NRXN1: variants seen among roughly 807,000 people sequenced by gnomAD.
NRXN1 encodes the protein neurexin-1.
A neutral mutation model predicts 150.9 loss-of-function variants in NRXN1; 39 were observed. That is an observed-to-expected ratio of 0.26 (90% confidence interval 0.20 to 0.34). The LOEUF is 0.34. Among genes scored for constraint, NRXN1 ranks in the 10% least tolerant of loss-of-function variants. The pLI is 1.00. For missense variants in NRXN1, 1,815 were observed against 1,949.9 expected, an observed-to-expected ratio of 0.93 and a Z score of 1.30; for synonymous variants, 924 against 757.0, an observed-to-expected ratio of 1.22 and a Z score of -3.62.
At chr2:50,717,334 T>C (rs1216452125) in intron 5 of NRXN1, among the ~76,000 whole-genome samples, 1 of 152,176 alleles carries the variant, frequency 6.6e-6, no homozygotes, top group Admixed American at 6.5e-5. Flanking sequence ...ACACTACATG[T>C]ACTTCCTGGT....
intron 17 of NRXN1, among the ~76,000 whole-genome samples, chr2:50,277,152 A>G (rs1272432429): frequency 6.6e-6 from 1 of 152,182 alleles, no homozygotes; most frequent in Non-Finnish European, 1.5e-5. Context: ...AACAACAACA[A>G]CAAAAAAAGC....
At chr2:50,220,007 A>ATATAATATATATATTAT (rs1378205239) in intron 18 of NRXN1, among the ~76,000 whole-genome samples, 2 of 37,060 alleles carry the variant, frequency 5.4e-5, no homozygotes, top group African/African-American at 1.4e-4. Context: ...TATATTATAT[A>ATATAATATATATATTAT]ATATATTATA....
rs767797258 is a variant in NRXN1 at position 50,066,607 on chromosome 2, TTAAA to T, written c.3719-11567_3719-11564del. 2.6e-5 allele frequency among the ~76,000 whole-genome samples: 4 copies of T among 152,294 alleles called. No homozygotes were observed. The East Asian group carries it at 5.8e-4, about 22-fold the overall frequency. ...AATGCTATTCACCCAACATCTATTT[TTAAA>T]TAAATAGACTCTCCAATAAAACATA... On this transcript the variant is annotated intron_variant, in intron 19 of 22. Transcript: ENST00000401669.
At chr2:50,938,579 A>G (rs1688900280) in intron 2 of NRXN1, among the ~76,000 whole-genome samples, 1 of 152,082 alleles carries the variant, frequency 6.6e-6, no homozygotes, top group Admixed American at 6.6e-5. Flanking sequence ...CCTGATATCA[A>G]TTTTCTGTAT....
chr2:50,140,656 C>CT (rs1317802298), intron 18 of NRXN1, among the ~76,000 whole-genome samples: 2 of 148,482 alleles, frequency 1.3e-5, no homozygotes. Context: ...ATATTCTGAG[C>CT]TTTTTTCTCT....
At chr2:50,659,033 T>A (rs1201858559) in intron 5 of NRXN1, among the ~76,000 whole-genome samples, 1 of 152,096 alleles carries the variant, frequency 6.6e-6, no homozygotes. Flanking sequence ...ACTGCTTGCC[T>A]TTCTTCACCA....
intron 2 of NRXN1, among the ~76,000 whole-genome samples, chr2:51,007,739 T>C (rs1317709394): frequency 6.6e-6 from 1 of 151,928 alleles, no homozygotes; most frequent in Non-Finnish European, 1.5e-5. Context: ...TCACCAAAGA[T>C]ATTTAGCTAA....
intron 21 of NRXN1, among the ~76,000 whole-genome samples, chr2:50,038,086 T>C (rs1310868165): frequency 6.6e-6 from 1 of 152,162 alleles, no homozygotes; most frequent in Non-Finnish European, 1.5e-5. Flanking sequence ...ATATGATATG[T>C]AGAGATACCT....
intron 21 of NRXN1, among the ~76,000 whole-genome samples, chr2:50,043,618 A>G (rs1346935939): frequency 1.3e-5 from 2 of 152,200 alleles, no homozygotes; most frequent in African/African-American, 4.8e-5. Context: ...TCACTCTTTC[A>G]AAACATACTC....
In NRXN1 at chr2:50,145,065, T is replaced by C. The variant is rs1363119837; in HGVS notation, c.3547-53571A>G. On this transcript the variant is annotated intron_variant, in intron 18 of 22. Coordinates refer to ENST00000401669, the MANE Select transcript of NRXN1 (RefSeq NM_001330078.2). The stretch of plus-strand genomic sequence containing the variant: ...CTATTTCTGTGATGATTTAATGCCA[T>C]GTTAACAAATATAGAGAAGAAAATA... Among the ~76,000 whole-genome samples the C allele has an allele frequency of 5.3e-5, 8 of 151,776 alleles. No homozygotes were observed. The Admixed American group carries it at 5.3e-4, about 10-fold the overall frequency.
intron 5 of NRXN1, among the ~76,000 whole-genome samples, chr2:50,640,055 C>T (rs754699779): frequency 6.6e-6 from 1 of 152,060 alleles, no homozygotes; most frequent in South Asian, 2.1e-4. Flanking sequence ...GCATCTCAGG[C>T]TAAGGTGATG....
intron 21 of NRXN1, among the ~76,000 whole-genome samples, chr2:50,035,747 G>C (rs1328935617): frequency 1.3e-5 from 2 of 152,070 alleles, no homozygotes; most frequent in African/African-American, 4.8e-5. Context: ...AATCAAGACA[G>C]AAATATGCAC....
At chr2:50,587,772 A>T (rs1006469226) in intron 8 of NRXN1, among the ~76,000 whole-genome samples, 6 of 152,184 alleles carry the variant, frequency 3.9e-5, no homozygotes, top group African/African-American at 1.4e-4. Context: ...ATATGTCTCA[A>T]TTATGAAAGT....
chr2:50,000,322 T>G (rs1053459034), intron 21 of NRXN1, among the ~76,000 whole-genome samples: 1 of 152,170 alleles, frequency 6.6e-6, no homozygotes, highest in African/African-American at 2.4e-5. Flanking sequence ...CATTAAACAT[T>G]TGTGTAATAA....
chr2:50,829,285 G>A (rs919850356), intron 5 of NRXN1, among the ~76,000 whole-genome samples: 1 of 151,722 alleles, frequency 6.6e-6, no homozygotes, highest in African/African-American at 2.4e-5. Flanking sequence ...GAGAGGGAGA[G>A]GGAGAGGGGT....
intron 8 of NRXN1, among the ~76,000 whole-genome samples, chr2:50,565,507 A>C (rs76643117): frequency 6.6e-6 from 1 of 152,128 alleles, no homozygotes; most frequent in Admixed American, 6.6e-5. Context: ...TTGTATAAGC[A>C]TTGGTTACCA....
chr2:50,265,587 G>T (rs1394007967), intron 17 of NRXN1, among the ~76,000 whole-genome samples: 1 of 152,108 alleles, frequency 6.6e-6, no homozygotes, highest in Non-Finnish European at 1.5e-5. Flanking sequence ...ATTCATTTTT[G>T]TGAAACTACT....
chr2:49,925,063 G>A (rs1052896970), intron 22 of NRXN1, among the ~76,000 whole-genome samples: 1 of 152,020 alleles, frequency 6.6e-6, no homozygotes, highest in African/African-American at 2.4e-5. Flanking sequence ...AGGCCGAGGC[G>A]AGTGGATCAC....
intron 18 of NRXN1, among the ~76,000 whole-genome samples, chr2:50,217,724 A>G (rs1029820410): frequency 6.6e-6 from 1 of 152,060 alleles, no homozygotes; most frequent in Non-Finnish European, 1.5e-5. Context: ...CCAGAGTCCT[A>G]TGCAGAAAGA....
Sources: allele counts gnomAD v4.1 joint callset (sites outside exome capture counted in the v4.1 genomes callset), GRCh38; gene constraint gnomAD v4.1.1; transcripts MANE v1.5; gene names NCBI Gene and HGNC (gene_info 2026-07-23, HGNC 2026-07-21).